The following IGF2BP3 variants were observed in gnomAD, a reference collection of about 807,000 sequenced individuals.
IGF2BP3 encodes the protein insulin like growth factor 2 mRNA binding protein 3, also known as insulin-like growth factor 2 mRNA-binding protein 3.
A neutral mutation model predicts 73.8 loss-of-function variants in IGF2BP3; 9 were observed. The ratio of observed to expected loss-of-function variants is 0.12; its 90% CI spans 0.07 to 0.21. The LOEUF is 0.21. Ranked by LOEUF, IGF2BP3 falls within the 10% of genes least tolerant of loss-of-function variation. IGF2BP3 has a pLI of 1.00. For missense variants in IGF2BP3, 542 were observed against 714.0 expected, an observed-to-expected ratio of 0.76 and a Z score of 2.75; for synonymous variants, 258 against 256.7, an observed-to-expected ratio of 1.01 and a Z score of -0.05.
chr7:23,363,809 A>G (rs1785294453), intron 3 of IGF2BP3, among the ~76,000 whole-genome samples: 1 of 152,266 alleles, frequency 6.6e-6, no homozygotes, highest in African/African-American at 2.4e-5. Context: ...AGTACTCTGT[A>G]AAAGTGCTTG....
At chr7:23,446,716 T>G (rs1450410919) in intron 2 of IGF2BP3, among the ~76,000 whole-genome samples, 1 of 152,142 alleles carries the variant, frequency 6.6e-6, no homozygotes. Context: ...CTACATTGTC[T>G]CAAAATATCT....
In IGF2BP3 at chr7:23,311,656, T is replaced by C. The variant is rs528453938; in HGVS notation, c.*706A>G. ...TACTGTCACCAGCCAGAAGTAAAAATCTTAATTTGCCTGTTAGCTGATTGC... is the reference window on the plus strand; with the variant it reads ...TACTGTCACCAGCCAGAAGTAAAAACCTTAATTTGCCTGTTAGCTGATTGC... On this transcript the variant is annotated 3_prime_UTR_variant, in exon 15 of 15. Transcript: ENST00000258729. 1.3e-5 allele frequency: 2 copies of C among 152,666 alleles called. No homozygotes were observed. The highest frequency in any genetic ancestry group is 1.3e-4 in the Admixed American group (2 of 15,282). The allele number at this position is 152,666 out of a possible 1,614,324, so 9.5% of individuals were successfully genotyped here.
intron 3 of IGF2BP3, among the ~76,000 whole-genome samples, chr7:23,369,422 C>A (rs2128511073): frequency 6.6e-6 from 1 of 152,236 alleles, no homozygotes; most frequent in African/African-American, 2.4e-5. Flanking sequence ...TATGTCCCAG[C>A]CCCCAGCTGG....
intron 3 of IGF2BP3, among the ~76,000 whole-genome samples, chr7:23,376,694 C>T (rs1170179555): frequency 3.3e-5 from 5 of 151,960 alleles, no homozygotes; most frequent in Non-Finnish European, 5.9e-5. Context: ...TGGCAAGACC[C>T]CATCTCTACA....
chr7:23,460,073 TA>T (rs201549351), intron 2 of IGF2BP3, among the ~76,000 whole-genome samples: 7 of 127,512 alleles, frequency 5.5e-5, no homozygotes, highest in East Asian at 2.2e-4. Flanking sequence ...TACTAAAAAT[TA>T]AAAAAAAAAT....
chr7:23,375,459 G>C (rs1785688284), intron 3 of IGF2BP3, among the ~76,000 whole-genome samples: 1 of 152,074 alleles, frequency 6.6e-6, no homozygotes, highest in East Asian at 1.9e-4. Flanking sequence ...CCCCTTCTAG[G>C]CTTTTCGCCG....
intron 2 of IGF2BP3, among the ~76,000 whole-genome samples, chr7:23,457,804 C>G (rs1382416275): frequency 1.3e-5 from 2 of 152,158 alleles, no homozygotes; most frequent in African/African-American, 2.4e-5. Flanking sequence ...AAACATTTTC[C>G]ACATTTTATG....
At chr7:23,407,463 G>A (rs1786870953) in intron 3 of IGF2BP3, among the ~76,000 whole-genome samples, 2 of 151,964 alleles carry the variant, frequency 1.3e-5, no homozygotes, top group South Asian at 4.1e-4. Flanking sequence ...GCAAAAATTA[G>A]CTGGGCATGG....
intron 3 of IGF2BP3, among the ~76,000 whole-genome samples, chr7:23,384,169 C>G (rs1786008237): frequency 6.6e-6 from 1 of 151,320 alleles, no homozygotes; most frequent in Admixed American, 6.6e-5. Flanking sequence ...TAAACACTTT[C>G]CTAAGTGAAA....
intron 3 of IGF2BP3, among the ~76,000 whole-genome samples, chr7:23,388,046 T>C (rs1400549685): frequency 6.6e-6 from 1 of 152,098 alleles, no homozygotes; most frequent in Non-Finnish European, 1.5e-5. Flanking sequence ...GTTCACGCCA[T>C]TCTCCTGCCT....
chr7:23,361,574 C>G lies in IGF2BP3; in HGVS notation c.361G>C (p.Val121Leu). The part of the protein sequence containing the change: ...EQVNTDSETA[V>L]VNVTYSSKDQ... The stretch of plus-strand genomic sequence containing the variant: ...TTACTGGAATAGGTTACATTTACAA[C>G]TGCAGTTTCCGAGTCAGTGTTCACT... The change falls in exon 5 of 15, where the codon GTT becomes CTT. Residue 121 changes from valine to leucine, a missense_variant. Transcript: ENST00000258729. The G allele has an allele frequency of 6.2e-7, 1 of 1,613,298 alleles. No homozygotes were observed. The highest frequency in any genetic ancestry group is 1.1e-5 in the South Asian group (1 of 91,050).
At chr7:23,435,379 T>C (rs908968183) in intron 2 of IGF2BP3, among the ~76,000 whole-genome samples, 1 of 144,568 alleles carries the variant, frequency 6.9e-6, no homozygotes, top group African/African-American at 2.6e-5. Flanking sequence ...GAATTACATA[T>C]AAAAATACAC....
At chr7:23,323,977 C>T (rs1048309678) in intron 10 of IGF2BP3, among the ~76,000 whole-genome samples, 5 of 151,684 alleles carry the variant, frequency 3.3e-5, no homozygotes, top group Non-Finnish European at 5.9e-5. Context: ...AGGAAAGATC[C>T]AAAATTGACA....
chr7:23,469,514 C>G lies in IGF2BP3; in HGVS notation c.175+422G>C, dbSNP rs1411861589. ...CACGGCCGGGGGTTTCGGGGCGCAG[C>G]ACAGACAGCGCCGTAAATAACGACC... On this transcript the variant is annotated intron_variant, in intron 1 of 14. Coordinates refer to ENST00000258729, the MANE Select transcript of IGF2BP3 (RefSeq NM_006547.3). This position sits in a 1 kb window ranked among gnomAD's most constrained non-coding sequence, Gnocchi z 6.1. 1.3e-5 allele frequency: 2 copies of G among 152,464 alleles called. No individual in the cohort carries two copies. The highest frequency in any genetic ancestry group is 4.8e-5 in the African/African-American group (2 of 41,452). The allele number at this position is 152,464 out of a possible 1,614,324, so 9.4% of individuals were successfully genotyped here. A position where few individuals can be genotyped will look rare whatever the true frequency, so the allele number is the denominator to read the frequency against.
chr7:23,358,987 G>C (rs1654558354), intron 5 of IGF2BP3, among the ~76,000 whole-genome samples: 1 of 152,202 alleles, frequency 6.6e-6, no homozygotes, highest in South Asian at 2.1e-4. Flanking sequence ...TTAACTGACT[G>C]AATATTAGAA....
intron 3 of IGF2BP3, among the ~76,000 whole-genome samples, chr7:23,370,311 CAG>C (rs1483242082): frequency 1.3e-5 from 2 of 152,212 alleles, no homozygotes. Flanking sequence ...ATCTAGTTTT[CAG>C]AGTCACACTG....
intron 2 of IGF2BP3, among the ~76,000 whole-genome samples, chr7:23,421,648 G>A (rs1323923474): frequency 7.8e-5 from 11 of 140,742 alleles, no homozygotes; most frequent in African/African-American, 2.1e-4. Flanking sequence ...CCAAGATTGC[G>A]CCACTGCACT....
chr7:23,383,647 A>G (rs1247492821), intron 3 of IGF2BP3, among the ~76,000 whole-genome samples: 2 of 152,220 alleles, frequency 1.3e-5, no homozygotes, highest in Non-Finnish European at 2.9e-5. Context: ...ACCCAAGAAA[A>G]ATGAAAACAC....
chr7:23,385,763 G>T (rs962993211), intron 3 of IGF2BP3, among the ~76,000 whole-genome samples: 2 of 151,868 alleles, frequency 1.3e-5, no homozygotes, highest in Non-Finnish European at 2.9e-5. Flanking sequence ...GAGAGACAGG[G>T]TCTCACCACA....
Sources: gnomAD v4.1 joint callset for allele counts (sites outside exome capture counted in the v4.1 genomes callset) on GRCh38, gnomAD v4.1.1 for gene constraint, Gnocchi (gnomAD v3.1) non-coding constraint, MANE v1.5 for transcripts, NCBI Gene and HGNC (gene_info 2026-07-23, HGNC 2026-07-21) for gene names.